CORIN: variants seen among roughly 807,000 people sequenced by gnomAD.
CORIN encodes corin, serine peptidase.
Under a neutral mutation model 125.3 loss-of-function variants are expected in CORIN, and 117 were observed. The observed-to-expected ratio is 0.93, with a 90% CI of 0.80 to 1.09. CORIN has a LOEUF of 1.09. Among genes scored for constraint, CORIN ranks in the 50% least tolerant of loss-of-function variants. The pLI, the probability that CORIN is intolerant of heterozygous loss-of-function variation, is 0.00. For missense variants in CORIN, 1,253 were observed against 1,306.7 expected (o/e 0.96, Z 0.63); for synonymous variants, 450 against 466.4 (o/e 0.96, Z 0.45).
At chr4:47,837,715 G>C (rs1429936303) in intron 1 of CORIN, among the ~76,000 whole-genome samples, 172 bp downstream of exon 1, 1 of 152,162 alleles carries the variant, frequency 6.6e-6, no homozygotes, top group Non-Finnish European at 1.5e-5. Context: ...CTGGGAACTG[G>C]GTGCAGGGCG....
Position 47,734,877 on chromosome 4 carries a change from A to T in CORIN, c.799+9525T>A, listed in dbSNP as rs939790674. ...GTGACAACCAAAAATGTCTACAGAC[A>T]TTGCCAAATGTTCCCAAATGGGGGC... On this transcript the variant is annotated intron_variant, in intron 5 of 21. Coordinates refer to ENST00000273857, the MANE Select transcript of CORIN (RefSeq NM_006587.4). 2.6e-5 allele frequency among the ~76,000 whole-genome samples: 4 copies of T among 152,242 alleles called. No individual in the cohort carries two copies. In the East Asian group the frequency reaches 7.7e-4, roughly 29 times the overall value.
chr4:47,647,491 C>T (rs1211885832), intron 13 of CORIN, among the ~76,000 whole-genome samples: 1 of 151,952 alleles, frequency 6.6e-6, no homozygotes. Flanking sequence ...GACAGAAGGC[C>T]GCCTAAAGTG....
At chr4:47,773,504 T>C (rs1730153272) in intron 3 of CORIN, among the ~76,000 whole-genome samples, 1 of 152,172 alleles carries the variant, frequency 6.6e-6, no homozygotes, top group African/African-American at 2.4e-5. Flanking sequence ...CCTTAATGTA[T>C]TTGTAAAAGG....
At chr4:47,604,438 C>T (rs1167627351) in intron 19 of CORIN, among the ~76,000 whole-genome samples, 1 of 152,182 alleles carries the variant, frequency 6.6e-6, no homozygotes, top group Non-Finnish European at 1.5e-5. Flanking sequence ...ATCTCCAGCT[C>T]TGTCCTTTCC....
intron 1 of CORIN, among the ~76,000 whole-genome samples, chr4:47,829,765 T>C (rs567347669): frequency 2.2e-4 from 33 of 152,270 alleles, no homozygotes; most frequent in African/African-American, 5.3e-4. Flanking sequence ...TTGTCAGCTA[T>C]CAGAAAGGGA....
chr4:47,612,380 C>T (rs985411277), intron 19 of CORIN, among the ~76,000 whole-genome samples: 2 of 152,118 alleles, frequency 1.3e-5, no homozygotes, highest in Non-Finnish European at 2.9e-5. Context: ...AGCCAAAGTT[C>T]TGGATTTTAT....
At chr4:47,693,128 TTTTTC>T in intron 5 of CORIN, 45 bp from the exon 6 acceptor site, 2 of 1,276,550 alleles carry the variant, frequency 1.6e-6, no homozygotes, top group Non-Finnish European at 2.3e-6. Context: ...AGATGGGTTT[TTTTTC>T]TTTTAAGATT....
At position 47,623,692 on chromosome 4, in the gene CORIN, T is replaced by C. The variant is rs748105735; in HGVS notation, c.2419A>G (p.Thr807Ala). The C allele has an allele frequency of 2.5e-6, 4 of 1,614,214 alleles. No homozygotes were observed. The South Asian group carries it at 3.3e-5, about 13-fold the overall frequency. Reference protein sequence around the residue: ...RMNKRILGGRTSRPGRWPWQC... With the variant: ...RMNKRILGGRASRPGRWPWQC... Reference sequence around the variant, plus strand: ...CATGGCCACCTTCCAGGGCGACTCGTCCGACCTCCAAGGATCCTTTTGTTC... The same window carrying C: ...CATGGCCACCTTCCAGGGCGACTCGCCCGACCTCCAAGGATCCTTTTGTTC... The change falls in exon 19 of 22, where the codon ACG becomes GCG. Residue 807 changes from threonine (T) to alanine (A), a missense_variant. Thr to Ala is a moderately conservative substitution (Grantham distance 58). Coordinates refer to ENST00000273857, the MANE Select transcript of CORIN (RefSeq NM_006587.4).
intron 5 of CORIN, among the ~76,000 whole-genome samples, chr4:47,700,650 T>C (rs1332148410): frequency 6.6e-6 from 1 of 152,204 alleles, no homozygotes; most frequent in East Asian, 1.9e-4. Context: ...GAACGCGCCA[T>C]TGTGTCTGTG....
intron 3 of CORIN, among the ~76,000 whole-genome samples, chr4:47,776,367 C>T (rs549983871): frequency 3.1e-4 from 47 of 150,742 alleles, no homozygotes; most frequent in Admixed American, 7.3e-4. Context: ...CTCACTTGAA[C>T]TTCAGCCTCC....
At chr4:47,752,678 C>T (rs959846798) in intron 4 of CORIN, among the ~76,000 whole-genome samples, 1 of 152,156 alleles carries the variant, frequency 6.6e-6, no homozygotes, top group Non-Finnish European at 1.5e-5. Flanking sequence ...TCTTAAAATA[C>T]AGAAACTTAG....
intron 16 of CORIN, among the ~76,000 whole-genome samples, chr4:47,634,593 C>G (rs940310690): frequency 2.0e-5 from 3 of 152,176 alleles, no homozygotes; most frequent in Non-Finnish European, 4.4e-5. Flanking sequence ...AAGATCACAC[C>G]ATTGCACTCC....
intron 5 of CORIN, among the ~76,000 whole-genome samples, chr4:47,710,656 G>A (rs542865213): frequency 7.2e-5 from 11 of 152,330 alleles, no homozygotes; most frequent in African/African-American, 2.4e-4. Flanking sequence ...TGCTTCTGCT[G>A]TTGCCAATCT....
At chr4:47,789,570 T>C (rs1357803006) in intron 2 of CORIN, among the ~76,000 whole-genome samples, 1 of 152,206 alleles carries the variant, frequency 6.6e-6, no homozygotes, top group African/African-American at 2.4e-5. Flanking sequence ...AAAGGACATG[T>C]CTTTAAAAGC....
intron 9 of CORIN, among the ~76,000 whole-genome samples, chr4:47,676,003 G>C (rs745950107): frequency 5.3e-5 from 8 of 152,172 alleles, no homozygotes; most frequent in Non-Finnish European, 1.0e-4. Flanking sequence ...CAAAGGCCTA[G>C]AATAGGGAAG....
intron 4 of CORIN, among the ~76,000 whole-genome samples, chr4:47,755,604 A>C (rs1329145403): frequency 3.3e-5 from 5 of 152,184 alleles, no homozygotes; most frequent in Non-Finnish European, 7.3e-5. Flanking sequence ...TTCCTCATCC[A>C]TTAGGTCCAG....
At chr4:47,648,366 C>G (rs1298643988) in intron 13 of CORIN, among the ~76,000 whole-genome samples, 1 of 152,132 alleles carries the variant, frequency 6.6e-6, no homozygotes, top group African/African-American at 2.4e-5. Flanking sequence ...CCCCAGTTTG[C>G]CAGGGATTTA....
At chr4:47,793,800 A>C (rs1376337562) in intron 2 of CORIN, among the ~76,000 whole-genome samples, 2 of 152,206 alleles carry the variant, frequency 1.3e-5, no homozygotes, top group Non-Finnish European at 2.9e-5. Flanking sequence ...AAGGGGACTG[A>C]TAGAGGTATA....
intron 5 of CORIN, among the ~76,000 whole-genome samples, chr4:47,724,257 A>T (rs1484059631): frequency 6.6e-6 from 1 of 152,306 alleles, no homozygotes; most frequent in African/African-American, 2.4e-5. Flanking sequence ...TTTTTAAAAG[A>T]CACTGAAATT....
Sources: gnomAD v4.1 joint callset for allele counts (sites outside exome capture counted in the v4.1 genomes callset) on GRCh38, gnomAD v4.1.1 for gene constraint, MANE v1.5 for transcripts, NCBI Gene and HGNC (gene_info 2026-07-23, HGNC 2026-07-21) for gene names.